Variants in CYLD observed in about 807,000 individuals in gnomAD.
CYLD encodes the protein ubiquitin carboxyl-terminal hydrolase CYLD.
CYLD carries 26 observed loss-of-function variants against 104.5 expected under a neutral mutation model. The observed-to-expected ratio is 0.25, with a 90% CI of 0.18 to 0.35. CYLD has a LOEUF of 0.35. Among genes scored for constraint, CYLD ranks in the 10% least tolerant of loss-of-function variants. The pLI is 1.00. For missense variants in CYLD, 703 were observed against 1,136.1 expected (o/e 0.62, Z 5.48); for synonymous variants, 385 against 399.9 (o/e 0.96, Z 0.45).
chr16:50,781,849 A>C (rs778836695), intron 10 of CYLD, among the ~76,000 whole-genome samples: 3 of 152,296 alleles, frequency 2.0e-5, no homozygotes, highest in South Asian at 4.1e-4. Flanking sequence ...TCTCCTCATC[A>C]TGTGTAATTG....
At chr16:50,776,093 G>C in intron 6 of CYLD, 86 bp from the exon 7 acceptor site, 1 of 973,396 alleles carries the variant, frequency 1.0e-6, no homozygotes, top group Non-Finnish European at 1.6e-6. Flanking sequence ...GTGGAAAGAG[G>C]GTTTTTTTAT....
At position 50,798,855 on chromosome 16, in the gene CYLD, T is replaced by C. The variant is rs1972261445; in HGVS notation, c.*2347T>C. 2.1e-5 allele frequency: 5 copies of C among 233,300 alleles called. No individual in the cohort carries two copies. The highest frequency in any genetic ancestry group is 1.8e-4 in the East Asian group (3 of 16,732). The allele number at this position is 233,300 out of a possible 1,614,324, so 14.5% of individuals were successfully genotyped here. On this transcript the variant is annotated 3_prime_UTR_variant, in exon 19 of 19. Coordinates refer to ENST00000427738, the MANE Select transcript of CYLD (RefSeq NM_001378743.1). ...GAGCTTGACGTCTTTTTAATGTTAC[T>C]TGGGGAGGGAGTGCTCATTAAGGGA...
intron 5 of CYLD, among the ~76,000 whole-genome samples, chr16:50,758,573 G>A (rs897684208): frequency 2.8e-4 from 42 of 152,196 alleles, no homozygotes; most frequent in African/African-American, 9.9e-4. Context: ...AGTTATCCAC[G>A]TGAGAGACGG....
In CYLD at chr16:50,801,191, G is replaced by A. The variant is rs774794760; in HGVS notation, c.*4683G>A. The A allele has an allele frequency of 6.0e-5, 14 of 233,338 alleles. No homozygotes were observed. The highest frequency in any genetic ancestry group is 1.1e-4 in the Non-Finnish European group (13 of 118,090). 14.5% of individuals were successfully genotyped at this position (233,338 alleles called of 1,614,324 possible). On this transcript the variant is annotated 3_prime_UTR_variant, in exon 19 of 19. Transcript: ENST00000427738. Reference sequence around the variant, plus strand: ...TGAAGGTTTTCTCTTGAGTCAGGATGCAGTGGTAATGCATTAACCAGCAAG... The same window carrying A: ...TGAAGGTTTTCTCTTGAGTCAGGATACAGTGGTAATGCATTAACCAGCAAG...
At chr16:50,782,244 G>A (rs1296119263) in intron 10 of CYLD, 81 bp from the exon 11 acceptor site, 8 of 1,147,310 alleles carry the variant, frequency 7.0e-6, no homozygotes, top group African/African-American at 1.6e-5. Context: ...ATTTTAAAAT[G>A]AAAAAATATT....
intron 5 of CYLD, 45 bp from the exon 6 acceptor site, chr16:50,775,121 G>C: frequency 1.3e-6 from 2 of 1,563,516 alleles, no homozygotes; most frequent in Non-Finnish European, 1.7e-6. Context: ...CTTTCTTTCT[G>C]TCCTCAAATC....
intron 5 of CYLD, among the ~76,000 whole-genome samples, chr16:50,765,347 G>A (rs1487515985): frequency 1.3e-5 from 2 of 151,952 alleles, no homozygotes; most frequent in East Asian, 3.9e-4. Context: ...TTGTTTTAAG[G>A]CACCACAAAC....
At chr16:50,753,359 C>T (rs907578825) in intron 4 of CYLD, among the ~76,000 whole-genome samples, 1 of 152,130 alleles carries the variant, frequency 6.6e-6, no homozygotes, top group Non-Finnish European at 1.5e-5. Context: ...GGTTGGTCTC[C>T]CCTTGCATCA....
chr16:50,753,392 A>G (rs1291635324), intron 4 of CYLD, among the ~76,000 whole-genome samples: 3 of 152,198 alleles, frequency 2.0e-5, no homozygotes, highest in Non-Finnish European at 4.4e-5. Context: ...TGGGCCTCAA[A>G]CTTGGCAGAA....
At chr16:50,775,520 T>G (rs60266315) in intron 6 of CYLD, among the ~76,000 whole-genome samples, 6,288 of 152,286 alleles carry the variant, frequency 0.041, 385 homozygotes, top group African/African-American at 0.13. Context: ...ACATATATGT[T>G]TTTAAAAACA....
At position 50,789,249 on chromosome 16, in the gene CYLD, G is replaced by T. The variant is rs541228895; in HGVS notation, c.2108+1397G>T. On this transcript the variant is annotated intron_variant, in intron 14 of 18. Coordinates refer to ENST00000427738, the MANE Select transcript of CYLD (RefSeq NM_001378743.1). Reference sequence around the variant, plus strand: ...ATAAGTCAACTTTCAAACAGAAATGGGAAAGGAAAGATATGTTTAATACAT... The same window carrying T: ...ATAAGTCAACTTTCAAACAGAAATGTGAAAGGAAAGATATGTTTAATACAT... Among the ~76,000 whole-genome samples the T allele has an allele frequency of 7.2e-5, 11 of 152,210 alleles. No individual in the cohort carries two copies. In the South Asian group the frequency reaches 2.3e-3, roughly 32 times the overall value.
chr16:50,759,395 A>G (rs984853411), intron 5 of CYLD, among the ~76,000 whole-genome samples: 2 of 152,256 alleles, frequency 1.3e-5, no homozygotes, highest in African/African-American at 4.8e-5. Context: ...CCTTGTTTTC[A>G]TTATAATTGC....
rs1046404918 is a variant in CYLD, at chr16:50,800,648, TAAA to T, written c.*4141_*4143del. 3 of 232,668 alleles carry T rather than the reference TAAA, an allele frequency of 1.3e-5. No individual in the cohort carries two copies. Among genetic ancestry groups the T allele is most frequent in the African/African-American group, 4.4e-5 (2 of 45,432 alleles). The allele number at this position is 232,668 out of a possible 1,614,324, so 14.4% of individuals were successfully genotyped here. A position where few individuals can be genotyped will look rare whatever the true frequency, so the allele number is the denominator to read the frequency against. On this transcript the variant is annotated 3_prime_UTR_variant, in exon 19 of 19. Coordinates refer to ENST00000427738, the MANE Select transcript of CYLD (RefSeq NM_001378743.1). ...TGAAAACAAAATTCTAAGGCAAAGT[TAAA>T]GAAAAAAATTACATTATTTCTTACC...
At chr16:50,765,180 T>C (rs1157263311) in intron 5 of CYLD, among the ~76,000 whole-genome samples, 1 of 152,224 alleles carries the variant, frequency 6.6e-6, no homozygotes, top group Non-Finnish European at 1.5e-5. Flanking sequence ...AATTCTGCTT[T>C]GGGCAAGTCT....
At chr16:50,748,766 C>G (rs1371266295) in intron 2 of CYLD, among the ~76,000 whole-genome samples, 3 of 151,824 alleles carry the variant, frequency 2.0e-5, no homozygotes, top group African/African-American at 7.3e-5. Flanking sequence ...TGAACATTGC[C>G]CATCTTCAGA....
chr16:50,742,990 C>A, intron 2 of CYLD, 149 bp downstream of exon 2: 1 of 395,844 alleles, frequency 2.5e-6, no homozygotes. Context: ...ATGTACTTGG[C>A]ATCGTTTCTC....
intron 5 of CYLD, among the ~76,000 whole-genome samples, chr16:50,758,315 T>C (rs1286411331): frequency 1.3e-5 from 2 of 152,148 alleles, no homozygotes; most frequent in Non-Finnish European, 2.9e-5. Context: ...AAGAGTTGAC[T>C]GTGGCTGCGG....
At chr16:50,781,146 G>A in intron 9 of CYLD, 100 bp from the exon 10 acceptor site, 1 of 1,322,268 alleles carries the variant, frequency 7.6e-7, no homozygotes, top group Non-Finnish European at 1.1e-6. Context: ...AGGGAGTGGT[G>A]AGAAAGGGTA....
intron 5 of CYLD, among the ~76,000 whole-genome samples, chr16:50,759,465 T>C (rs1176023539): frequency 2.6e-5 from 4 of 152,222 alleles, no homozygotes; most frequent in Non-Finnish European, 4.4e-5. Context: ...CCTTGCTTTT[T>C]ATAATTTAAT....
Sources: allele counts gnomAD v4.1 joint callset (sites outside exome capture counted in the v4.1 genomes callset), GRCh38; gene constraint gnomAD v4.1.1; transcripts MANE v1.5; gene names NCBI Gene and HGNC (gene_info 2026-07-23, HGNC 2026-07-21).